SLC25A48: variants seen among roughly 807,000 people sequenced by gnomAD.
The protein encoded by SLC25A48 is CTC-321K16.1.
In SLC25A48, 29 loss-of-function variants were observed where a neutral mutation model predicts 32.2. The observed-to-expected ratio is 0.90, with a 90% CI of 0.67 to 1.23. The LOEUF (loss-of-function observed/expected upper bound fraction) is 1.23, where lower values mean the gene tolerates loss of function less well. Among genes scored for constraint, SLC25A48 ranks in the 50% most tolerant of loss-of-function variants. The pLI, the probability that SLC25A48 is intolerant of heterozygous loss-of-function variation, is 0.00. For synonymous variants in SLC25A48, 164 were observed against 172.3 expected (o/e 0.95, Z 0.38); for missense variants, 399 against 422.7 (o/e 0.94, Z 0.49).
rs1175008087 is a variant in SLC25A48, at chr5:135,645,368, C to T, written c.-521+10412C>T. ...ATAATTATTCACTGAGCATGAAATA[C>T]CCCTGAACAACCATCAGCGTCTCAG... is the stretch of plus-strand genomic sequence containing the variant. On this transcript the variant is annotated intron_variant, in intron 3 of 10. Transcript: ENST00000646290. Among the ~76,000 whole-genome samples the T allele has an allele frequency of 2.6e-5, 4 of 152,212 alleles. No individual in the cohort carries two copies. In the East Asian group the frequency reaches 5.8e-4, roughly 22 times the overall value.
At chr5:135,760,902 G>A (rs2127017507) in intron 3 of SLC25A48, among the ~76,000 whole-genome samples, 1 of 152,288 alleles carries the variant, frequency 6.6e-6, no homozygotes, top group African/African-American at 2.4e-5. Flanking sequence ...CCTATGTCAA[G>A]AGTATAACAG....
chr5:135,696,603 C>T (rs185564432), intron 3 of SLC25A48, among the ~76,000 whole-genome samples: 1 of 152,334 alleles, frequency 6.6e-6, no homozygotes, highest in East Asian at 1.9e-4. Context: ...AAAGCAAATC[C>T]ACACAATGGA....
chr5:135,631,989 A>G (rs140377453), intron 2 of SLC25A48, among the ~76,000 whole-genome samples: 1 of 152,204 alleles, frequency 6.6e-6, no homozygotes, highest in Non-Finnish European at 1.5e-5. Context: ...AAGTGCCTCC[A>G]TGTTGTTTTT....
At chr5:135,815,514 G>T (rs1757693861) in intron 4 of SLC25A48, among the ~76,000 whole-genome samples, 1 of 152,208 alleles carries the variant, frequency 6.6e-6, no homozygotes, top group South Asian at 2.1e-4. Context: ...GCTGCTTGCA[G>T]GTAAGGAAGA....
rs78268765 is a variant in SLC25A48 at position 135,672,064 on chromosome 5, G to T, written c.-521+37108G>T. On this transcript the variant is annotated intron_variant, in intron 3 of 10. Transcript: ENST00000646290. ...TGATTTTCAAACCAAAATTGGAACA[G>T]TTCTCAAATGCTCCCAGGATTTGGG... 7.8e-3 allele frequency among the ~76,000 whole-genome samples: 1,192 copies of T among 152,306 alleles called. 17 individuals are homozygous for T. Among genetic ancestry groups the T allele is most frequent in the African/African-American group, 0.028 (1,145 of 41,562 alleles).
At chr5:135,797,727 C>T (rs989734264) in intron 3 of SLC25A48, among the ~76,000 whole-genome samples, 6 of 151,398 alleles carry the variant, frequency 4.0e-5, no homozygotes, top group African/African-American at 9.7e-5. Context: ...AAACCCCCCC[C>T]GTGATATTGT....
At chr5:135,706,036 C>A (rs1754500086) in intron 3 of SLC25A48, among the ~76,000 whole-genome samples, 1 of 152,316 alleles carries the variant, frequency 6.6e-6, no homozygotes, top group African/African-American at 2.4e-5. Context: ...CCCGGCTGCC[C>A]TTCTGGTCAT....
chr5:135,703,496 G>A (rs965475490), intron 3 of SLC25A48, among the ~76,000 whole-genome samples: 4 of 152,144 alleles, frequency 2.6e-5, no homozygotes, highest in Non-Finnish European at 5.9e-5. Context: ...CTAACAGGGT[G>A]GGCATTTTAA....
chr5:135,717,305 G>C (rs13186935), intron 3 of SLC25A48, among the ~76,000 whole-genome samples: 10,103 of 152,246 alleles, frequency 0.066, 514 homozygotes, highest in East Asian at 0.28. Context: ...GTCAACCCAT[G>C]AGCAGATTGT....
At chr5:135,584,602 CTGTT>C (rs1271497573) in intron 1 of SLC25A48, among the ~76,000 whole-genome samples, 2 of 152,340 alleles carry the variant, frequency 1.3e-5, no homozygotes, top group East Asian at 3.9e-4. Flanking sequence ...GGTATCCAGA[CTGTT>C]TGAAGTAAAC....
chr5:135,678,034 G>A (rs1025458184), intron 3 of SLC25A48, among the ~76,000 whole-genome samples: 4 of 152,062 alleles, frequency 2.6e-5, no homozygotes, highest in Non-Finnish European at 5.9e-5. Context: ...GGGGTCACCG[G>A]GCCTCCTGTA....
chr5:135,736,790 AG>A, intron 3 of SLC25A48, among the ~76,000 whole-genome samples: 1 of 152,210 alleles, frequency 6.6e-6, no homozygotes, highest in East Asian at 1.9e-4. Flanking sequence ...TTGGGTTCAC[AG>A]ATAAAACGCA....
intron 1 of SLC25A48, among the ~76,000 whole-genome samples, chr5:135,604,519 G>C (rs1303641760): frequency 1.3e-5 from 2 of 152,202 alleles, no homozygotes; most frequent in African/African-American, 4.8e-5. Flanking sequence ...ACGGCTCCTT[G>C]CTCTTTTGAT....
intron 3 of SLC25A48, among the ~76,000 whole-genome samples, chr5:135,851,692 AC>A (rs980690972): frequency 9.9e-5 from 15 of 152,204 alleles, no homozygotes; most frequent in African/African-American, 3.4e-4. Context: ...GGGTTTGTGC[AC>A]AGCCTGGAGT....
intron 3 of SLC25A48, among the ~76,000 whole-genome samples, chr5:135,692,985 C>A (rs11242261): frequency 0.79 from 119,913 of 152,110 alleles, 47,700 homozygotes; most frequent in Middle Eastern, 0.88. Flanking sequence ...ACCTTAATAC[C>A]AGTTAAGATC....
intron 3 of SLC25A48, among the ~76,000 whole-genome samples, chr5:135,810,900 T>G (rs980286086): frequency 6.6e-6 from 1 of 152,206 alleles, no homozygotes; most frequent in Non-Finnish European, 1.5e-5. Context: ...AGCGAATGTT[T>G]CTCACTGAAT....
At chr5:135,651,007 A>G (rs1057351215) in intron 3 of SLC25A48, among the ~76,000 whole-genome samples, 2 of 151,976 alleles carry the variant, frequency 1.3e-5, no homozygotes, top group Admixed American at 1.3e-4. Flanking sequence ...TCAGCTCCAA[A>G]TCTACCCTTA....
intron 1 of SLC25A48, among the ~76,000 whole-genome samples, chr5:135,599,381 C>T (rs547764371): frequency 7.2e-5 from 11 of 152,284 alleles, no homozygotes; most frequent in East Asian, 5.8e-4. Flanking sequence ...TGGAGTGCCC[C>T]GCTCCTGTCA....
chr5:135,619,499 A>C (rs1214120635), intron 1 of SLC25A48, among the ~76,000 whole-genome samples: 1 of 152,012 alleles, frequency 6.6e-6, no homozygotes, highest in Non-Finnish European at 1.5e-5. Flanking sequence ...TTTTGATTGG[A>C]ATCTGTTGGT....
Sources: allele counts gnomAD v4.1 joint callset (sites outside exome capture counted in the v4.1 genomes callset), GRCh38; gene constraint gnomAD v4.1.1; transcripts MANE v1.5; gene names NCBI Gene and HGNC (gene_info 2026-07-23, HGNC 2026-07-21).